FAM83G: variants seen among roughly 807,000 people sequenced by gnomAD.
FAM83G encodes protein FAM83G.
Under a neutral mutation model 61.5 loss-of-function variants are expected in FAM83G, and 38 were observed. That is an observed-to-expected ratio of 0.62 (90% CI 0.48 to 0.81). The LOEUF (loss-of-function observed/expected upper bound fraction) is 0.81, where lower values mean the gene tolerates loss of function less well. Among genes scored for constraint, FAM83G ranks in the 30% least tolerant of loss-of-function variants. The pLI is 0.00. For synonymous variants in FAM83G, 470 were observed against 476.1 expected (o/e 0.99, Z 0.17); for missense variants, 989 against 1,133.6 (o/e 0.87, Z 1.83).
intron 3 of FAM83G, among the ~76,000 whole-genome samples, chr17:18,982,486 C>T (rs1031589028): frequency 2.6e-5 from 4 of 152,232 alleles, no homozygotes; most frequent in Admixed American, 6.5e-5. Context: ...GGAGGGATGC[C>T]GGGGCTGGCC....
chr17:18,992,580 A>T (rs912868595), intron 2 of FAM83G, among the ~76,000 whole-genome samples: 15 of 152,126 alleles, frequency 9.9e-5, no homozygotes, highest in Admixed American at 8.5e-4. Flanking sequence ...GGGCCTCCTC[A>T]ATCTCCCTCA....
intron 2 of FAM83G, among the ~76,000 whole-genome samples, chr17:18,989,474 G>A (rs563301147): frequency 9.2e-5 from 14 of 152,098 alleles, no homozygotes; most frequent in African/African-American, 3.1e-4. Flanking sequence ...TGGCACCAAA[G>A]CCCAAACTCC....
At position 18,993,151 on chromosome 17, in the gene FAM83G, C is replaced by A. The variant is rs115006863; in HGVS notation, c.523-4737G>T. On this transcript the variant is annotated intron_variant, in intron 2 of 5. Transcript: ENST00000388995. ...CTGCAGCAGCACCTCTTCAGGGGGG[C>A]CCTAAACCAACGCATCCTGACCCCT... is the stretch of plus-strand genomic sequence containing the variant. 6.6e-3 allele frequency among the ~76,000 whole-genome samples: 1,008 copies of A among 152,270 alleles called. 14 individuals are homozygous for A. Among genetic ancestry groups the A allele is most frequent in the African/African-American group, 0.023 (959 of 41,536 alleles).
intron 2 of FAM83G, among the ~76,000 whole-genome samples, chr17:18,994,210 A>G (rs370749365): frequency 1.3e-5 from 2 of 152,058 alleles, no homozygotes; most frequent in Non-Finnish European, 1.5e-5. Flanking sequence ...GCAATAAAAA[A>G]CCCGGATAAA....
At chr17:18,983,604 AG>A in intron 3 of FAM83G, among the ~76,000 whole-genome samples, 1 of 152,296 alleles carries the variant, frequency 6.6e-6, no homozygotes, top group East Asian at 1.9e-4. Flanking sequence ...GAGGAATGCA[AG>A]GAACAGAGCC....
At position 18,977,713 on chromosome 17, in the gene FAM83G, G is replaced by T. The variant is rs2043015050; in HGVS notation, c.1953C>A (p.Ala651=). The change falls in exon 5 of 6, where the codon GCC becomes GCA. Residue 651 remains alanine (A), a synonymous_variant. Transcript: ENST00000388995. The part of the protein sequence containing the change: ...PTPPPRRQLS[A]PHITRGTFVG... ...CAAAGGTCCCTCGGGTTATATGGGG[G>T]GCACTCAGCTGCCGGCGCGGTGGTG... is the stretch of plus-strand genomic sequence containing the variant. 6.2e-7 allele frequency: 1 copy of T among 1,609,666 alleles called. No homozygotes were observed. Among genetic ancestry groups the T allele is most frequent in the African/African-American group, 1.3e-5 (1 of 74,856 alleles).
chr17:18,982,870 C>T (rs1446926253), intron 3 of FAM83G, among the ~76,000 whole-genome samples: 1 of 152,250 alleles, frequency 6.6e-6, no homozygotes, highest in Non-Finnish European at 1.5e-5. Context: ...CAAGGCCTTT[C>T]TTTCCACGCC....
At chr17:18,980,021 G>A (rs1350801853) in intron 3 of FAM83G, among the ~76,000 whole-genome samples, 2 of 152,206 alleles carry the variant, frequency 1.3e-5, no homozygotes, top group African/African-American at 4.8e-5. Context: ...GGTGGTGGAT[G>A]CTATGGTGGG....
chr17:18,988,506 A>G (rs2043325758), intron 2 of FAM83G, 92 bp from the exon 3 acceptor site: 2 of 1,560,532 alleles, frequency 1.3e-6, no homozygotes, highest in Non-Finnish European at 1.7e-6. Context: ...CCATGCCACC[A>G]GCCTCTCACA....
chr17:19,005,056 G>T (rs1810016364), upstream of FAM83G, among the ~76,000 whole-genome samples: 1 of 152,210 alleles, frequency 6.6e-6, no homozygotes, highest in Non-Finnish European at 1.5e-5. Flanking sequence ...GGGTCTGTTG[G>T]TGATCCTGGA....
intron 2 of FAM83G, among the ~76,000 whole-genome samples, chr17:18,998,927 G>A (rs1019219827): frequency 6.6e-6 from 1 of 152,194 alleles, no homozygotes; most frequent in Non-Finnish European, 1.5e-5. Flanking sequence ...GTTCTTGTGA[G>A]TCCCCGTCCC....
Position 18,969,389 on chromosome 17 carries a change from A to C in FAM83G, c.*1970T>G, listed in dbSNP as rs199908898. ...CACGGACGCCCTGCAGACGCTCATCATGGTGGTGGGGGCTGTCATCCTGAC... is the reference window on the plus strand; with the variant it reads ...CACGGACGCCCTGCAGACGCTCATCCTGGTGGTGGGGGCTGTCATCCTGAC... On this transcript the variant is annotated 3_prime_UTR_variant, in exon 6 of 6. Transcript: ENST00000388995. The C allele has an allele frequency of 6.2e-7, 1 of 1,613,774 alleles. No homozygotes were observed. The highest frequency in any genetic ancestry group is 2.2e-5 in the East Asian group (1 of 44,876).
chr17:18,976,765 A>AT, intron 5 of FAM83G: 2 of 1,535,436 alleles, frequency 1.3e-6, no homozygotes. Context: ...ATCGTGCCTC[A>AT]TGCCCATTCC....
At chr17:18,974,012 C>T (rs909543031) in intron 5 of FAM83G, among the ~76,000 whole-genome samples, 3 of 151,714 alleles carry the variant, frequency 2.0e-5, no homozygotes, top group Non-Finnish European at 4.4e-5. Context: ...CCTGCCTCAG[C>T]CTCCTAAGTA....
At position 18,996,136 on chromosome 17, in the gene FAM83G, G is replaced by GA. The variant is rs529997491; in HGVS notation, c.522+7383dup. Reference sequence around the variant, plus strand: ...GGCAATATCTTTAAAGTACTAAATGGAAAAAAAAAAAAATCAACTTAGAAT... The same window carrying GA: ...GGCAATATCTTTAAAGTACTAAATGGAAAAAAAAAAAAAATCAACTTAGAAT... On this transcript the variant is annotated intron_variant, in intron 2 of 5. Transcript: ENST00000388995. This position sits in a 1 kb window ranked among gnomAD's most constrained non-coding sequence, Gnocchi z 4.4. Among the ~76,000 whole-genome samples the GA allele has an allele frequency of 0.13, 17,610 of 137,538 alleles. 1,115 individuals carry two copies. The highest frequency in any genetic ancestry group is 0.26 in the East Asian group (1,258 of 4,880). The allele number at this position is 137,538 out of a possible 152,430, so 90.2% of individuals were successfully genotyped here.
At chr17:18,979,295 C>A (rs1045414342) in intron 4 of FAM83G, 5 of 533,648 alleles carry the variant, frequency 9.4e-6, no homozygotes, top group South Asian at 9.1e-5. Flanking sequence ...CATAGGCTTG[C>A]GAAGGCACGG....
chr17:18,988,421 G>A lies in FAM83G; in HGVS notation c.523-7C>T. On this transcript the variant is annotated splice_region_variant and splice_polypyrimidine_tract_variant and intron_variant, in intron 2 of 5. Coordinates refer to ENST00000388995, the MANE Select transcript of FAM83G (RefSeq NM_001039999.3). Reference sequence around the variant, plus strand: ...CCATGACCACAGCTATCACCTGGGAGCAAGAAGAGAGACTAGGGCCTGTCA... The same window carrying A: ...CCATGACCACAGCTATCACCTGGGAACAAGAAGAGAGACTAGGGCCTGTCA... The A allele has an allele frequency of 6.2e-7, 1 of 1,613,592 alleles. No individual in the cohort carries two copies. Among genetic ancestry groups the A allele is most frequent in the African/African-American group, 1.3e-5 (1 of 75,068 alleles).
intron 5 of FAM83G, chr17:18,977,072 A>G (rs1031124909): frequency 1.1e-5 from 17 of 1,571,478 alleles, no homozygotes; most frequent in Non-Finnish European, 1.5e-5. Context: ...CACCAGAAGA[A>G]GAGGCAAAGG....
rs764332657 is a variant in FAM83G, at chr17:18,971,446, G to C, written c.2385C>G (p.His795Gln). Residue 795 changes from histidine to glutamine, a missense_variant, in exon 6 of 6, where the codon CAC becomes CAG. Physicochemically the swap from His to Gln is conservative, Grantham distance 24. Around this residue, in one of 3 missense-constraint regions of FAM83G, gnomAD observed 574 missense variants for 645.1 expected, o/e 0.89. Transcript: ENST00000388995. This position sits in a 1 kb window ranked among gnomAD's most constrained non-coding sequence, Gnocchi z 5.5. ...GGCTACCGCCCGTCCTGGCCTTTAG[G>C]TGCTTCGACTGAGACAGTTTGGAGT... ...IPYSKLSQSK[H>Q]LKARTGGSQW... 12 of 1,613,894 alleles carry C rather than the reference G, an allele frequency of 7.4e-6. No individual in the cohort carries two copies. The South Asian group carries it at 1.3e-4, about 18-fold the overall frequency.
Sources: gnomAD v4.1 joint callset for allele counts (sites outside exome capture counted in the v4.1 genomes callset) on GRCh38, gnomAD v4.1.1 for gene constraint, gnomAD v4.1.1 regional missense constraint, Gnocchi (gnomAD v3.1) non-coding constraint, MANE v1.5 for transcripts, NCBI Gene and HGNC (gene_info 2026-07-23, HGNC 2026-07-21) for gene names.